COG5: variants seen among roughly 807,000 people sequenced by gnomAD.
COG5 encodes the protein component of oligomeric golgi complex 5, also known as conserved oligomeric Golgi complex subunit 5.
In COG5, 86 loss-of-function variants were observed where a neutral mutation model predicts 110.4. The observed-to-expected ratio is 0.78, with a 90% CI of 0.65 to 0.93. The LOEUF is 0.93. COG5 is among the 40% of genes least tolerant of loss of function. The pLI, the probability that COG5 is intolerant of heterozygous loss-of-function variation, is 0.00. For synonymous variants in COG5, 360 were observed against 334.6 expected (o/e 1.08, Z -0.83); for missense variants, 1,077 against 987.0 (o/e 1.09, Z -1.22).
chr7:107,544,423 G>A (rs1203860425), intron 5 of COG5, among the ~76,000 whole-genome samples: 1 of 152,140 alleles, frequency 6.6e-6, no homozygotes, highest in Non-Finnish European at 1.5e-5. Flanking sequence ...CACTCCACAA[G>A]GGGCCAGCTT....
intron 18 of COG5, among the ~76,000 whole-genome samples, chr7:107,233,151 T>C (rs1395981274): frequency 6.6e-6 from 1 of 152,024 alleles, no homozygotes; most frequent in Non-Finnish European, 1.5e-5. Context: ...CTAAATAATT[T>C]AATACCAACT....
chr7:107,215,117 C>T (rs905884240), intron 19 of COG5, among the ~76,000 whole-genome samples: 1 of 151,818 alleles, frequency 6.6e-6, no homozygotes, highest in Non-Finnish European at 1.5e-5. Flanking sequence ...TTTTTGGAAG[C>T]CTCATGGTAA....
chr7:107,290,866 G>T (rs1269403858), intron 12 of COG5, among the ~76,000 whole-genome samples: 1 of 152,122 alleles, frequency 6.6e-6, no homozygotes, highest in Non-Finnish European at 1.5e-5. Flanking sequence ...ATGTTGCCCA[G>T]GCTAGTCTTG....
At chr7:107,406,905 G>C (rs1327255929) in intron 7 of COG5, among the ~76,000 whole-genome samples, 1 of 152,026 alleles carries the variant, frequency 6.6e-6, no homozygotes, top group African/African-American at 2.4e-5. Flanking sequence ...TAATACAAAA[G>C]GCTTATGACA....
intron 6 of COG5, among the ~76,000 whole-genome samples, chr7:107,483,617 T>C (rs1325977305): frequency 6.6e-6 from 1 of 151,356 alleles, no homozygotes; most frequent in East Asian, 1.9e-4. Context: ...GGCAGGAGAA[T>C]CGCTTGAACC....
At chr7:107,229,859 T>TTTTTTTTTTTTTTTTTTG in intron 19 of COG5, among the ~76,000 whole-genome samples, 1 of 145,166 alleles carries the variant, frequency 6.9e-6, no homozygotes, top group Non-Finnish European at 1.5e-5. Context: ...TTTTTTTTTG[T>TTTTTTTTTTTTTTTTTTG]TTTTTTTTTT....
At chr7:107,223,532 T>C (rs1249951219) in intron 19 of COG5, among the ~76,000 whole-genome samples, 1 of 152,182 alleles carries the variant, frequency 6.6e-6, no homozygotes, top group Non-Finnish European at 1.5e-5. Flanking sequence ...GGCTGAGTGT[T>C]CCTTGTGTAC....
At chr7:107,489,723 C>A (rs1456081667) in intron 6 of COG5, among the ~76,000 whole-genome samples, 1 of 152,074 alleles carries the variant, frequency 6.6e-6, no homozygotes, top group Non-Finnish European at 1.5e-5. Context: ...GAAAGCCTCC[C>A]AGTCATATCA....
chr7:107,439,046 C>T (rs1276609954), intron 6 of COG5, among the ~76,000 whole-genome samples: 1 of 152,048 alleles, frequency 6.6e-6, no homozygotes, highest in African/African-American at 2.4e-5. Flanking sequence ...ACTTCCTGAC[C>T]TCTTCTCTTC....
At chr7:107,437,618 G>A (rs914709475) in intron 6 of COG5, among the ~76,000 whole-genome samples, 2 of 152,022 alleles carry the variant, frequency 1.3e-5, no homozygotes, top group African/African-American at 4.8e-5. Context: ...CTTCAGAAAG[G>A]AAGTATATGA....
intron 10 of COG5, among the ~76,000 whole-genome samples, chr7:107,332,723 G>A (rs1039129847): frequency 6.6e-6 from 1 of 151,964 alleles, no homozygotes; most frequent in Non-Finnish European, 1.5e-5. Flanking sequence ...AGAGAAGCAG[G>A]GAAGTAGAGA....
At chr7:107,459,371 G>T (rs1795853200) in intron 6 of COG5, among the ~76,000 whole-genome samples, 1 of 151,890 alleles carries the variant, frequency 6.6e-6, no homozygotes, top group African/African-American at 2.4e-5. Flanking sequence ...AAATGTGCAT[G>T]CACCCGATAA....
At chr7:107,463,994 T>C (rs1309514466) in intron 6 of COG5, among the ~76,000 whole-genome samples, 1 of 152,100 alleles carries the variant, frequency 6.6e-6, no homozygotes, top group Non-Finnish European at 1.5e-5. Flanking sequence ...ATTGAGCATC[T>C]CTATTCAACA....
intron 14 of COG5, among the ~76,000 whole-genome samples, chr7:107,267,032 T>G (rs1282807713): frequency 1.3e-5 from 2 of 152,200 alleles, no homozygotes; most frequent in African/African-American, 4.8e-5. Context: ...GATGACAGCT[T>G]GAGATGGGAT....
chr7:107,294,930 T>TACACACAC (rs1290144852), intron 12 of COG5, among the ~76,000 whole-genome samples: 1 of 100,934 alleles, frequency 9.9e-6, no homozygotes, highest in African/African-American at 3.6e-5. Context: ...TGTGTATATA[T>TACACACAC]ACACACACAC....
intron 6 of COG5, among the ~76,000 whole-genome samples, chr7:107,449,500 T>C (rs1040435048): frequency 6.6e-5 from 10 of 152,200 alleles, no homozygotes; most frequent in African/African-American, 2.2e-4. Flanking sequence ...GAGCAGTTTG[T>C]CTCTCTCTAG....
chr7:107,363,939 G>A (rs1483709487), intron 8 of COG5, among the ~76,000 whole-genome samples: 1 of 147,302 alleles, frequency 6.8e-6, no homozygotes, highest in Non-Finnish European at 1.5e-5. Flanking sequence ...TGGGTAACAA[G>A]AGCAAAACTC....
intron 10 of COG5, among the ~76,000 whole-genome samples, chr7:107,349,788 G>A (rs1247038407): frequency 6.6e-6 from 1 of 152,168 alleles, no homozygotes; most frequent in Non-Finnish European, 1.5e-5. Flanking sequence ...TCGATCTCCT[G>A]ACCTGGTGAT....
At chr7:107,464,655 C>G (rs868045312) in intron 6 of COG5, among the ~76,000 whole-genome samples, 1 of 152,128 alleles carries the variant, frequency 6.6e-6, no homozygotes, top group Non-Finnish European at 1.5e-5. Flanking sequence ...GGATTCTACC[C>G]TATTTATAAG....
Sources: gnomAD v4.1 joint callset for allele counts (sites outside exome capture counted in the v4.1 genomes callset) on GRCh38, gnomAD v4.1.1 for gene constraint, MANE v1.5 for transcripts, NCBI Gene and HGNC (gene_info 2026-07-23, HGNC 2026-07-21) for gene names.